The following DYRK4 variants were observed in gnomAD, a reference collection of about 807,000 sequenced individuals.
The protein encoded by DYRK4 is dual specificity tyrosine phosphorylation regulated kinase 4, also known as dual specificity tyrosine-phosphorylation-regulated kinase 4.
A neutral mutation model predicts 68.3 loss-of-function variants in DYRK4; 64 were observed. That is an observed-to-expected ratio of 0.94 (90% CI 0.77 to 1.15). DYRK4 has a LOEUF of 1.15. DYRK4 is among the 50% of genes most tolerant of loss of function. The pLI is 0.00. For missense variants in DYRK4, 740 were observed against 764.7 expected (o/e 0.97, Z 0.38); for synonymous variants, 274 against 289.9 (o/e 0.95, Z 0.56).
Position 4,593,003 on chromosome 12 carries a change from G to T in DYRK4, c.465G>T (p.Glu155Asp), listed in dbSNP as rs1211783562. The part of the protein sequence containing the change: ...KKQKVTLTAA[E>D]ALKLFKNQLS... The stretch of plus-strand genomic sequence containing the variant: ...ACAATTGTAGTGTTTTTCACACAGA[G>T]GCCCTAAAGCTTTTTAAGAACCAGC... The change falls in exon 6 of 15, where the codon GAG becomes GAT. Residue 155 changes from glutamate (E) to aspartate (D), a missense_variant and splice_region_variant. Glu to Asp is a conservative substitution (Grantham distance 45). Transcript: ENST00000543431. The T allele has an allele frequency of 6.2e-7, 1 of 1,612,192 alleles. No homozygotes were observed. Among genetic ancestry groups the T allele is most frequent in the Non-Finnish European group, 8.5e-7 (1 of 1,179,084 alleles).
chr12:4,597,576 A>T (rs1456249374), intron 8 of DYRK4, among the ~76,000 whole-genome samples: 1 of 152,246 alleles, frequency 6.6e-6, no homozygotes, highest in Non-Finnish European at 1.5e-5. Flanking sequence ...TTTCTTGGCC[A>T]TGAATCACAG....
chr12:4,612,511 A>C (rs1393807765), intron 13 of DYRK4, 32 bp from the exon 14 acceptor site: 1 of 1,582,502 alleles, frequency 6.3e-7, no homozygotes, highest in Non-Finnish European at 8.6e-7. Context: ...GAAATAAAAC[A>C]ATAACCCATG....
intron 2 of DYRK4, chr12:4,580,789 A>G (rs1029541308): frequency 6.6e-6 from 3 of 453,664 alleles, no homozygotes; most frequent in Middle Eastern, 3.2e-4. Flanking sequence ...ACCACCAGGC[A>G]CTTAGGGATT....
intron 2 of DYRK4, among the ~76,000 whole-genome samples, chr12:4,574,926 C>T (rs1052549318): frequency 6.6e-6 from 1 of 152,186 alleles, no homozygotes; most frequent in Non-Finnish European, 1.5e-5. Context: ...CCTTGTTGGC[C>T]AGACTGGTCT....
At chr12:4,609,405 CA>C (rs1236221970) in intron 12 of DYRK4, among the ~76,000 whole-genome samples, 1 of 152,178 alleles carries the variant, frequency 6.6e-6, no homozygotes, top group African/African-American at 2.4e-5. Flanking sequence ...ATTCTTATGA[CA>C]AAATAAGTTT....
Position 4,562,303 on chromosome 12 carries a change from G to C in DYRK4, c.38+20G>C, listed in dbSNP as rs562964697. The C allele has an allele frequency of 1.9e-5, 29 of 1,530,782 alleles. No homozygotes were observed. Among genetic ancestry groups the C allele is most frequent in the Non-Finnish European group, 2.4e-5 (27 of 1,144,558 alleles). The allele number at this position is 1,530,782 out of a possible 1,614,324, so 94.8% of individuals were successfully genotyped here. A position where few individuals can be genotyped will look rare whatever the true frequency, so the allele number is the denominator to read the frequency against. ...AACAAAGTAAGGGCCGCGGAGGCTC[G>C]TACTTCACGAGCAGTCAGGCGCGAG... On this transcript the variant is annotated intron_variant, in intron 1 of 14. Coordinates refer to ENST00000543431, the MANE Select transcript of DYRK4 (RefSeq NM_001394779.1).
intron 2 of DYRK4, among the ~76,000 whole-genome samples, chr12:4,570,068 AATAATAATAATG>A (rs1009563849): frequency 5.4e-5 from 4 of 74,240 alleles, no homozygotes; most frequent in Admixed American, 2.9e-4. Flanking sequence ...TAATAATAAT[AATAATAATAATG>A]ATAATAACAA....
chr12:4,598,776 T>A (rs1190324084), intron 8 of DYRK4, among the ~76,000 whole-genome samples: 2 of 152,184 alleles, frequency 1.3e-5, no homozygotes. Context: ...CCCGCCTGCA[T>A]AACAAAGTGC....
intron 1 of DYRK4, 49 bp downstream of exon 1, chr12:4,562,332 G>A (rs943873014): frequency 2.0e-6 from 3 of 1,511,590 alleles, no homozygotes; most frequent in Middle Eastern, 3.4e-4. Context: ...GCGCGAGTAC[G>A]AGGCAGGCGA....
intron 2 of DYRK4, among the ~76,000 whole-genome samples, chr12:4,582,149 A>C (rs1030548151): frequency 1.1e-4 from 17 of 152,216 alleles, no homozygotes; most frequent in Non-Finnish European, 4.4e-5. Context: ...CAGGTCTTTT[A>C]TTAAAGAGTC....
intron 12 of DYRK4, among the ~76,000 whole-genome samples, chr12:4,609,455 T>G (rs1354581700): frequency 6.6e-6 from 1 of 152,224 alleles, no homozygotes; most frequent in East Asian, 1.9e-4. Flanking sequence ...TGACTGTTCC[T>G]TTCCCAGGTT....
rs145000504 is a variant in DYRK4, at chr12:4,607,617, G to T, written c.1360+230G>T. On this transcript the variant is annotated intron_variant, in intron 12 of 14. Transcript: ENST00000543431. The stretch of plus-strand genomic sequence containing the variant: ...ACAGTAAAAATGCTCAGGAGGAGGA[G>T]AATAGCCAGGTCCCTGCTCAGAAGA... Among the ~76,000 whole-genome samples the T allele has an allele frequency of 3.4e-3, 517 of 152,284 alleles. 2 individuals are homozygous for T. The highest frequency in any genetic ancestry group is 0.012 in the African/African-American group (497 of 41,566).
At chr12:4,576,692 C>A (rs1401152268) in intron 2 of DYRK4, among the ~76,000 whole-genome samples, 1 of 152,128 alleles carries the variant, frequency 6.6e-6, no homozygotes, top group Non-Finnish European at 1.5e-5. Context: ...TGTCAAAATG[C>A]GGTTTTGGAC....
At chr12:4,605,729 GT>G (rs58963826) in intron 11 of DYRK4, among the ~76,000 whole-genome samples, 47 of 102,102 alleles carry the variant, frequency 4.6e-4, no homozygotes, top group African/African-American at 1.6e-3. Flanking sequence ...ATAGAGCTGG[GT>G]TTTTTTTTTT....
At chr12:4,580,813 A>AT (rs1944834579) in intron 2 of DYRK4, 5 of 450,694 alleles carry the variant, frequency 1.1e-5, no homozygotes, top group Non-Finnish European at 1.8e-5. Flanking sequence ...TTTTTTTTAA[A>AT]TGGGAAACAG....
At chr12:4,566,140 T>C (rs1331699455) in intron 1 of DYRK4, among the ~76,000 whole-genome samples, 1 of 152,224 alleles carries the variant, frequency 6.6e-6, no homozygotes, top group Non-Finnish European at 1.5e-5. Flanking sequence ...AGTGCCTTGG[T>C]TGAGGCTCTC....
rs1259330147 is a variant in DYRK4, at chr12:4,613,193, G to A, written c.1667-322G>A. Reference sequence around the variant, plus strand: ...ATATAGCCTAGTGGTTAGGTACATGGTCACAAGAGTCAGGTTACCTGGGGA... The same window carrying A: ...ATATAGCCTAGTGGTTAGGTACATGATCACAAGAGTCAGGTTACCTGGGGA... On this transcript the variant is annotated intron_variant, in intron 14 of 14. Coordinates refer to ENST00000543431, the MANE Select transcript of DYRK4 (RefSeq NM_001394779.1). This position sits in a 1 kb window ranked among gnomAD's most constrained non-coding sequence, Gnocchi z 4.0. 6.6e-6 allele frequency among the ~76,000 whole-genome samples: 1 copy of A among 152,156 alleles called. No individual in the cohort carries two copies. The highest frequency in any genetic ancestry group is 1.5e-5 in the Non-Finnish European group (1 of 68,030).
chr12:4,605,729 G>GTTTTTTTTT lies in DYRK4; in HGVS notation c.1299+661_1299+669dup, dbSNP rs58963826. On this transcript the variant is annotated intron_variant, in intron 11 of 14. Coordinates refer to ENST00000543431, the MANE Select transcript of DYRK4 (RefSeq NM_001394779.1). Reference sequence around the variant, plus strand: ...CTCTTAGAAAAATGAATAGAGCTGGGTTTTTTTTTTTTTTTTTTTTTTTTT... The same window carrying GTTTTTTTTT: ...CTCTTAGAAAAATGAATAGAGCTGGGTTTTTTTTTTTTTTTTTTTTTTTTTTTTTTTTTT... 1.2e-3 allele frequency among the ~76,000 whole-genome samples: 119 copies of GTTTTTTTTT among 102,086 alleles called. 7 individuals carry two copies. The highest frequency in any genetic ancestry group is 3.9e-3 in the African/African-American group (107 of 27,338). 67.0% of individuals were successfully genotyped at this position (102,086 alleles called of 152,430 possible).
At chr12:4,604,803 C>G in intron 10 of DYRK4, 111 bp from the exon 11 acceptor site, 1 of 1,356,120 alleles carries the variant, frequency 7.4e-7, no homozygotes, top group Non-Finnish European at 9.8e-7. Flanking sequence ...AGCTGCACTT[C>G]CCTTTCACTG....
Sources: allele counts gnomAD v4.1 joint callset (sites outside exome capture counted in the v4.1 genomes callset), GRCh38; gene constraint gnomAD v4.1.1; non-coding constraint Gnocchi (gnomAD v3.1); transcripts MANE v1.5; gene names NCBI Gene and HGNC (gene_info 2026-07-23, HGNC 2026-07-21).